Variants in GRID2 observed in about 807,000 individuals in gnomAD.
GRID2 encodes the protein glutamate receptor ionotropic, delta-2.
A neutral mutation model predicts 114.8 loss-of-function variants in GRID2; 33 were observed. That is an observed-to-expected ratio of 0.29 (90% CI 0.22 to 0.38). GRID2 has a LOEUF of 0.38. Among genes scored for constraint, GRID2 ranks in the 10% least tolerant of loss-of-function variants. The pLI, the probability that GRID2 is intolerant of heterozygous loss-of-function variation, is 1.00. For synonymous variants in GRID2, 505 were observed against 449.9 expected (o/e 1.12, Z -1.55); for missense variants, 1,184 against 1,257.7 (o/e 0.94, Z 0.89).
At chr4:92,918,521 G>A (rs969858980) in intron 2 of GRID2, among the ~76,000 whole-genome samples, 5 of 152,124 alleles carry the variant, frequency 3.3e-5, no homozygotes, top group African/African-American at 9.7e-5. Flanking sequence ...TTTGAGATAT[G>A]TCCCATCAAT....
At chr4:93,316,324 G>GA (rs1425590064) in intron 8 of GRID2, among the ~76,000 whole-genome samples, 4 of 49,632 alleles carry the variant, frequency 8.1e-5, no homozygotes, top group African/African-American at 3.6e-4. Flanking sequence ...AAGAAAGAAA[G>GA]AAAGAAAGAA....
chr4:93,099,747 G>C (rs762206574), intron 3 of GRID2, among the ~76,000 whole-genome samples: 1 of 151,790 alleles, frequency 6.6e-6, no homozygotes, highest in South Asian at 2.1e-4. Context: ...ACTCTTCACC[G>C]TATCACTCTT....
At chr4:92,779,848 A>G (rs531563993) in intron 2 of GRID2, among the ~76,000 whole-genome samples, 89 of 152,272 alleles carry the variant, frequency 5.8e-4, no homozygotes, top group African/African-American at 2.0e-3. Context: ...TTCTCAATGT[A>G]TGCTTTGTTA....
chr4:93,214,962 T>C (rs1488772651), intron 5 of GRID2, among the ~76,000 whole-genome samples: 1 of 152,074 alleles, frequency 6.6e-6, no homozygotes, highest in African/African-American at 2.4e-5. Flanking sequence ...AAATTCATCC[T>C]ATGAGTAGAG....
rs541139114 is a variant in GRID2 at position 92,529,245 on chromosome 4, C to T, written c.89-60886C>T. On this transcript the variant is annotated intron_variant, in intron 1 of 15. Transcript: ENST00000282020. ...TGAAGTTTTGGCAATAACCAGATTGCCCTTGTTTTTGAAGCGCTTACAATG... is the reference window on the plus strand; with the variant it reads ...TGAAGTTTTGGCAATAACCAGATTGTCCTTGTTTTTGAAGCGCTTACAATG... 3.3e-5 allele frequency among the ~76,000 whole-genome samples: 5 copies of T among 151,892 alleles called. No individual in the cohort carries two copies. The South Asian group carries it at 1.0e-3, about 32-fold the overall frequency.
intron 1 of GRID2, among the ~76,000 whole-genome samples, chr4:92,431,596 A>G (rs1732455610): frequency 6.7e-6 from 1 of 150,338 alleles, no homozygotes; most frequent in Non-Finnish European, 1.5e-5. Flanking sequence ...TTTTTTAATA[A>G]CAGTGTAATA....
intron 12 of GRID2, among the ~76,000 whole-genome samples, chr4:93,502,709 C>T (rs1034713263): frequency 8.9e-6 from 1 of 112,092 alleles, no homozygotes; most frequent in African/African-American, 4.0e-5. Context: ...TCCTCCACTC[C>T]CCCCCCCCAC....
chr4:92,917,459 G>A (rs1203993041), intron 2 of GRID2, among the ~76,000 whole-genome samples: 1 of 152,180 alleles, frequency 6.6e-6, no homozygotes, highest in African/African-American at 2.4e-5. Context: ...GAATGGTATT[G>A]CATAGGTTTT....
rs997310525 is a variant in GRID2 at position 93,455,823 on chromosome 4, A to G, written c.1707A>G (p.Leu569=). The change falls in exon 11 of 16, where the codon CTA becomes CTG. Residue 569 remains leucine (L), a synonymous_variant. Transcript: ENST00000282020. ...GTCTTGCACCATTTGATCTCTCTCT[A>G]TGGGCTTGCATTGCTGGCACAGTCC... ...FACLAPFDLS[L]WACIAGTVLL... is the part of the protein sequence containing the mutation. The G allele has an allele frequency of 7.4e-6, 12 of 1,613,582 alleles. No homozygotes were observed. In the Middle Eastern group the frequency reaches 5.0e-4, roughly 67 times the overall value.
At chr4:92,829,459 A>G (rs1741950730) in intron 2 of GRID2, among the ~76,000 whole-genome samples, 1 of 152,150 alleles carries the variant, frequency 6.6e-6, no homozygotes, top group South Asian at 2.1e-4. Context: ...GAGGTTATTG[A>G]GAAATAGGAA....
At chr4:92,797,090 GT>G (rs1334022002) in intron 2 of GRID2, among the ~76,000 whole-genome samples, 2 of 151,896 alleles carry the variant, frequency 1.3e-5, no homozygotes, top group African/African-American at 2.4e-5. Flanking sequence ...TCCGTTTATA[GT>G]GGATATCAAG....
intron 14 of GRID2, among the ~76,000 whole-genome samples, chr4:93,756,391 C>T (rs527553245): frequency 1.4e-4 from 22 of 152,300 alleles, no homozygotes; most frequent in Admixed American, 7.2e-4. Flanking sequence ...CAAAATGCCA[C>T]AGACTGGGTG....
chr4:93,041,750 A>G (rs1725535813), intron 2 of GRID2, among the ~76,000 whole-genome samples: 1 of 152,196 alleles, frequency 6.6e-6, no homozygotes, highest in Non-Finnish European at 1.5e-5. Flanking sequence ...CAGTAATGAA[A>G]TAGTTAATAT....
In GRID2 at chr4:92,927,628, A is replaced by G. The variant is rs555460862; in HGVS notation, c.245-157367A>G. 1.1e-4 allele frequency among the ~76,000 whole-genome samples: 17 copies of G among 151,934 alleles called. No homozygotes were observed. In the South Asian group the frequency reaches 3.3e-3, roughly 30 times the overall value. ...GACCTTTGCTCTAGTGAGAATCACT[A>G]TCTATATCTTCAGTGTTTTTTGCTA... On this transcript the variant is annotated intron_variant, in intron 2 of 15. Transcript: ENST00000282020.
At chr4:92,340,573 C>A (rs1278728136) in intron 1 of GRID2, among the ~76,000 whole-genome samples, 1 of 152,132 alleles carries the variant, frequency 6.6e-6, no homozygotes, top group East Asian at 1.9e-4. Flanking sequence ...AACTGGAATT[C>A]TACATGATGA....
intron 2 of GRID2, among the ~76,000 whole-genome samples, chr4:92,807,313 CA>C (rs1740467693): frequency 6.6e-6 from 1 of 151,782 alleles, no homozygotes; most frequent in Non-Finnish European, 1.5e-5. Flanking sequence ...TGCTTATTTT[CA>C]GAGGACTCAT....
chr4:93,483,785 A>T (rs551117180), intron 11 of GRID2, among the ~76,000 whole-genome samples: 2 of 151,858 alleles, frequency 1.3e-5, no homozygotes, highest in Admixed American at 6.6e-5. Flanking sequence ...GAAAATAAAA[A>T]TTTTTCATGC....
At chr4:92,825,822 A>C (rs904570441) in intron 2 of GRID2, among the ~76,000 whole-genome samples, 17 of 152,242 alleles carry the variant, frequency 1.1e-4, no homozygotes, top group African/African-American at 3.1e-4. Flanking sequence ...AAAAGGAAAC[A>C]GCCTTCATGT....
intron 1 of GRID2, among the ~76,000 whole-genome samples, chr4:92,556,229 T>G (rs1249975974): frequency 6.6e-6 from 1 of 152,124 alleles, no homozygotes; most frequent in Non-Finnish European, 1.5e-5. Flanking sequence ...AGCTAAGGAT[T>G]TTCCAAAGCC....
Sources: gnomAD v4.1 joint callset for allele counts (sites outside exome capture counted in the v4.1 genomes callset) on GRCh38, gnomAD v4.1.1 for gene constraint, MANE v1.5 for transcripts, NCBI Gene and HGNC (gene_info 2026-07-23, HGNC 2026-07-21) for gene names.